Variants in LRP5 observed in about 807,000 individuals in gnomAD.
LRP5 encodes low-density lipoprotein receptor-related protein 5.
A neutral mutation model predicts 154.1 loss-of-function variants in LRP5; 62 were observed. The ratio of observed to expected loss-of-function variants is 0.40; its 90% CI spans 0.33 to 0.50. LRP5 has a LOEUF of 0.50. Ranked by LOEUF, LRP5 falls within the 20% of genes least tolerant of loss-of-function variation. The pLI is 0.55. For synonymous variants in LRP5, 966 were observed against 1,011.5 expected (o/e 0.96, Z 0.85); for missense variants, 1,915 against 2,336.7 (o/e 0.82, Z 3.72).
chr11:68,430,330 T>C (rs1375296831), intron 17 of LRP5, among the ~76,000 whole-genome samples: 1 of 152,122 alleles, frequency 6.6e-6, no homozygotes, highest in African/African-American at 2.4e-5. Context: ...CACGCCACCA[T>C]ACCCAGCTAA....
At chr11:68,405,649 T>C (rs1307556075) in intron 8 of LRP5, among the ~76,000 whole-genome samples, 1 of 152,212 alleles carries the variant, frequency 6.6e-6, no homozygotes, top group East Asian at 1.9e-4. Flanking sequence ...CCCCGTGGTT[T>C]GCTAAAGGAG....
In LRP5 at chr11:68,413,276, T is replaced by G. The variant is rs1565091110; in HGVS notation, c.2504-413T>G. On this transcript the variant is annotated intron_variant, in intron 11 of 22. Coordinates refer to ENST00000294304, the MANE Select transcript of LRP5 (RefSeq NM_002335.4). The surrounding 1 kb of genome is among the most constrained non-coding windows in gnomAD (Gnocchi z 5.1). ...GACCCTGCCAATGAGGGCGGCCATG[T>G]GCATTGCAGCCTGGCCGTCACTCCT... is the stretch of plus-strand genomic sequence containing the variant. 2.8e-6 allele frequency: 1 copy of G among 351,794 alleles called. No homozygotes were observed. Among genetic ancestry groups the G allele is most frequent in the East Asian group, 4.9e-5 (1 of 20,312 alleles). 21.8% of individuals were successfully genotyped at this position (351,794 alleles called of 1,614,324 possible). A position where few individuals can be genotyped will look rare whatever the true frequency, so the allele number is the denominator to read the frequency against.
At chr11:68,375,710 T>C in intron 5 of LRP5, among the ~76,000 whole-genome samples, 1 of 152,218 alleles carries the variant, frequency 6.6e-6, no homozygotes, top group Non-Finnish European at 1.5e-5. Context: ...TGAGGTTCTT[T>C]GGTCTTCAGT....
At chr11:68,352,780 G>T (rs2098619860) in intron 2 of LRP5, among the ~76,000 whole-genome samples, 2 of 151,488 alleles carry the variant, frequency 1.3e-5, no homozygotes, top group South Asian at 2.1e-4. Context: ...TCGGTGCTAG[G>T]TTGGGAGGTG....
At chr11:68,373,083 G>A (rs2098635231) in intron 5 of LRP5, among the ~76,000 whole-genome samples, 1 of 152,172 alleles carries the variant, frequency 6.6e-6, no homozygotes. Context: ...GGCGGCGCTA[G>A]CATGGCTGGA....
chr11:68,381,958 C>T (rs1430286041), intron 5 of LRP5, among the ~76,000 whole-genome samples: 1 of 152,232 alleles, frequency 6.6e-6, no homozygotes, highest in Non-Finnish European at 1.5e-5. Flanking sequence ...TCTGCAGCTG[C>T]TCCCTGCTGG....
intron 5 of LRP5, among the ~76,000 whole-genome samples, chr11:68,385,230 C>T (rs1199000942): frequency 6.6e-6 from 1 of 152,230 alleles, no homozygotes; most frequent in Non-Finnish European, 1.5e-5. Context: ...GCTCTCCCCT[C>T]ATCCACCTGC....
chr11:68,395,727 G>C (rs555736703), intron 7 of LRP5, among the ~76,000 whole-genome samples: 1 of 152,032 alleles, frequency 6.6e-6, no homozygotes, highest in African/African-American at 2.4e-5. Context: ...CCACCTGCAC[G>C]TCCAGAGCTG....
At chr11:68,341,952 C>T (rs1399700187) in intron 1 of LRP5, among the ~76,000 whole-genome samples, 1 of 152,196 alleles carries the variant, frequency 6.6e-6, no homozygotes, top group East Asian at 1.9e-4. Flanking sequence ...CCAGCTGGTG[C>T]TGGGCACTCG....
chr11:68,400,065 G>A (rs2098651777), intron 7 of LRP5, among the ~76,000 whole-genome samples: 1 of 152,154 alleles, frequency 6.6e-6, no homozygotes, highest in African/African-American at 2.4e-5. Flanking sequence ...GGGTCTCTGT[G>A]GGAGGCTCTG....
chr11:68,429,843 C>A, intron 17 of LRP5, 143 bp downstream of exon 17: 1 of 1,072,308 alleles, frequency 9.3e-7, no homozygotes, highest in Non-Finnish European at 1.4e-6. Context: ...CTTTGCCCTC[C>A]TTTCTTTTCT....
chr11:68,323,056 AAAG>A (rs1160708845), intron 1 of LRP5, among the ~76,000 whole-genome samples: 22 of 152,250 alleles, frequency 1.4e-4, no homozygotes, highest in African/African-American at 5.3e-4. Context: ...ATCATGCAAA[AAAG>A]GAATTATGGA....
chr11:68,420,725 G>A (rs372170701), intron 13 of LRP5, among the ~76,000 whole-genome samples: 9 of 151,856 alleles, frequency 5.9e-5, no homozygotes, highest in African/African-American at 1.9e-4. Flanking sequence ...AAAAATCATC[G>A]GATGGATGGA....
In LRP5 at chr11:68,439,913, G is replaced by A. The variant is rs569410686; in HGVS notation, c.4485G>A (p.Pro1495=). 20 of 1,547,602 alleles carry A rather than the reference G, an allele frequency of 1.3e-5. No homozygotes were observed. In the East Asian group the frequency reaches 1.6e-4, roughly 13 times the overall value. The change falls in exon 21 of 23, where the codon CCG becomes CCA. Residue 1495 remains proline, a synonymous_variant. Coordinates refer to ENST00000294304, the MANE Select transcript of LRP5 (RefSeq NM_002335.4). ...CCAGCACGAAGGCCACGCTGTACCCGCCGGTGAGGGGCGGGGCCGGGGAGG... is the reference window on the plus strand; with the variant it reads ...CCAGCACGAAGGCCACGCTGTACCCACCGGTGAGGGGCGGGGCCGGGGAGG... ...SSSSTKATLY[P]PILNPPPSPA...
chr11:68,326,743 C>G (rs769836134), intron 1 of LRP5, among the ~76,000 whole-genome samples: 10 of 152,230 alleles, frequency 6.6e-5, no homozygotes, highest in Non-Finnish European at 1.3e-4. Flanking sequence ...AGCTGTGAGC[C>G]CAGGTGGGAC....
At chr11:68,330,887 C>G (rs548530089) in intron 1 of LRP5, among the ~76,000 whole-genome samples, 30 of 152,238 alleles carry the variant, frequency 2.0e-4, no homozygotes, top group Admixed American at 7.2e-4. Context: ...CTGGGGATCT[C>G]CACCGGTCCA....
At chr11:68,407,779 G>A (rs1022525263) in intron 9 of LRP5, among the ~76,000 whole-genome samples, 7 of 152,168 alleles carry the variant, frequency 4.6e-5, no homozygotes, top group Non-Finnish European at 7.4e-5. Context: ...CCTGGGAGGC[G>A]GAGGTTGTGG....
chr11:68,414,658 G>T (rs1240894778), intron 12 of LRP5, among the ~76,000 whole-genome samples: 32 of 152,214 alleles, frequency 2.1e-4, no homozygotes, highest in Non-Finnish European at 2.8e-4. Flanking sequence ...CTTCCCCCAT[G>T]ACATCAGCAG....
At position 68,338,867 on chromosome 11, in the gene LRP5, G is replaced by GTTTTTTTTTTTT. The variant is rs11382677; in HGVS notation, c.92-8967_92-8956dup. 1.4e-3 allele frequency among the ~76,000 whole-genome samples: 132 copies of GTTTTTTTTTTTT among 91,938 alleles called. 1 individual carries two copies. The highest frequency in any genetic ancestry group is 1.6e-3 in the Non-Finnish European group (87 of 53,420). The allele number at this position is 91,938 out of a possible 152,430, so 60.3% of individuals were successfully genotyped here. A position where few individuals can be genotyped will look rare whatever the true frequency, so the allele number is the denominator to read the frequency against. On this transcript the variant is annotated intron_variant, in intron 1 of 22. Transcript: ENST00000294304. Reference sequence around the variant, plus strand: ...TCATTGGTTTTTTTGCTTTTGTTTAGTTTTTTTTTTTTTTTTTTTTTTTTG... The same window carrying GTTTTTTTTTTTT: ...TCATTGGTTTTTTTGCTTTTGTTTAGTTTTTTTTTTTTTTTTTTTTTTTTTTTTTTTTTTTTG...
Sources: allele counts gnomAD v4.1 joint callset (sites outside exome capture counted in the v4.1 genomes callset), GRCh38; gene constraint gnomAD v4.1.1; non-coding constraint Gnocchi (gnomAD v3.1); transcripts MANE v1.5; gene names NCBI Gene and HGNC (gene_info 2026-07-23, HGNC 2026-07-21).